CHN1: variants seen among roughly 807,000 people sequenced by gnomAD.
CHN1 encodes the protein N-chimaerin.
Under a neutral mutation model 59.5 loss-of-function variants are expected in CHN1, and 37 were observed. That is an observed-to-expected ratio of 0.62 (90% CI 0.48 to 0.82). CHN1 has a LOEUF of 0.82. Among genes scored for constraint, CHN1 ranks in the 40% least tolerant of loss-of-function variants. The probability of loss-of-function intolerance (pLI) is 0.00; values close to 1 mark genes in which losing one functional copy is unlikely to be tolerated. For missense variants in CHN1, 469 were observed against 571.0 expected (o/e 0.82, Z 1.82); for synonymous variants, 206 against 200.4 (o/e 1.03, Z -0.24).
chr2:174,956,508 C>T (rs1690207755), intron 1 of CHN1, among the ~76,000 whole-genome samples: 1 of 152,000 alleles, frequency 6.6e-6, no homozygotes, highest in Non-Finnish European at 1.5e-5. Context: ...TGGTGGCTCA[C>T]ACCTGTAATC....
At chr2:174,955,120 TA>T (rs1690150980) in intron 1 of CHN1, among the ~76,000 whole-genome samples, 1 of 148,534 alleles carries the variant, frequency 6.7e-6, no homozygotes, top group Non-Finnish European at 1.5e-5. Context: ...TATAGATCTA[TA>T]GATCTAATAT....
At chr2:174,978,706 A>C (rs1043363970) in intron 1 of CHN1, among the ~76,000 whole-genome samples, 3 of 152,224 alleles carry the variant, frequency 2.0e-5, no homozygotes, top group Admixed American at 2.0e-4. Flanking sequence ...TGCAATAAAG[A>C]TTCTGGATTT....
intron 3 of CHN1, among the ~76,000 whole-genome samples, chr2:174,923,027 G>C (rs1044907166): frequency 4.6e-5 from 7 of 152,140 alleles, no homozygotes; most frequent in African/African-American, 1.7e-4. Context: ...ACCTGAGGGG[G>C]CCAAGGAAAA....
intron 7 of CHN1, among the ~76,000 whole-genome samples, chr2:174,838,940 C>G (rs1686189651): frequency 6.6e-6 from 1 of 151,736 alleles, no homozygotes; most frequent in Non-Finnish European, 1.5e-5. Flanking sequence ...TAGCTTGAAC[C>G]CAGGAGGCGG....
chr2:174,948,050 A>G (rs62184796), intron 2 of CHN1, among the ~76,000 whole-genome samples: 4,092 of 152,310 alleles, frequency 0.027, 89 homozygotes, highest in Admixed American at 0.083. Context: ...AGAAGTGTCA[A>G]TGAGTATATA....
chr2:174,834,888 A>C (rs1686020504), intron 7 of CHN1, among the ~76,000 whole-genome samples: 1 of 152,218 alleles, frequency 6.6e-6, no homozygotes, highest in Non-Finnish European at 1.5e-5. Flanking sequence ...AACTATAAAC[A>C]CATTATGAAG....
At position 174,831,895 on chromosome 2, in the gene CHN1, T is replaced by G. The variant is rs13417771; in HGVS notation, c.628-7377A>C. On this transcript the variant is annotated intron_variant, in intron 7 of 12. Transcript: ENST00000409900. ...CTAAGGTTATATTATGTAGGTACAA[T>G]AGGAAAATAAATAAGTAAATGGTTG... Among the ~76,000 whole-genome samples, 360 of 152,218 alleles carry G rather than the reference T, an allele frequency of 2.4e-3. 5 individuals are homozygous for G. Among genetic ancestry groups the G allele is most frequent in the African/African-American group, 7.7e-3 (319 of 41,564 alleles).
At chr2:174,841,191 C>G (rs1346717604) in intron 7 of CHN1, among the ~76,000 whole-genome samples, 1 of 152,136 alleles carries the variant, frequency 6.6e-6, no homozygotes, top group Non-Finnish European at 1.5e-5. Flanking sequence ...AGGTAGTAAC[C>G]TTTCTGATAA....
intron 1 of CHN1, among the ~76,000 whole-genome samples, chr2:174,954,124 C>A (rs1690113285): frequency 6.6e-6 from 1 of 152,050 alleles, no homozygotes; most frequent in African/African-American, 2.4e-5. Context: ...AATAGAGAAT[C>A]CAGAAATAAA....
intron 3 of CHN1, among the ~76,000 whole-genome samples, chr2:174,938,146 C>T (rs1689552851): frequency 6.6e-6 from 1 of 152,160 alleles, no homozygotes; most frequent in African/African-American, 2.4e-5. Flanking sequence ...ACTACCACAC[C>T]TGGCTCACAG....
intron 6 of CHN1, among the ~76,000 whole-genome samples, chr2:174,861,082 T>G (rs1687054188): frequency 6.6e-6 from 1 of 152,122 alleles, no homozygotes; most frequent in Non-Finnish European, 1.5e-5. Flanking sequence ...AAATTCAGTG[T>G]TAAGTGGTTA....
intron 2 of CHN1, among the ~76,000 whole-genome samples, chr2:174,951,067 C>G (rs1273879801): frequency 6.6e-6 from 1 of 152,228 alleles, no homozygotes; most frequent in Non-Finnish European, 1.5e-5. Context: ...GCATGAGCCA[C>G]AGTGCCCGGC....
intron 6 of CHN1, among the ~76,000 whole-genome samples, chr2:174,855,842 T>A (rs890770469): frequency 6.6e-6 from 1 of 152,072 alleles, no homozygotes; most frequent in African/African-American, 2.4e-5. Flanking sequence ...AAACAAAAGC[T>A]CTGATAAATT....
chr2:174,945,944 A>AT (rs2105405659), intron 2 of CHN1, among the ~76,000 whole-genome samples: 2 of 148,560 alleles, frequency 1.3e-5, no homozygotes, highest in South Asian at 4.2e-4. Context: ...TATATATATA[A>AT]ATGTGTGTGT....
intron 7 of CHN1, among the ~76,000 whole-genome samples, chr2:174,833,788 T>A (rs1362630511): frequency 1.5e-5 from 2 of 129,760 alleles, no homozygotes; most frequent in East Asian, 4.7e-4. Context: ...GTCTAGAACA[T>A]ACACATCTTT....
intron 5 of CHN1, among the ~76,000 whole-genome samples, chr2:174,907,206 T>C (rs1408376669): frequency 1.3e-5 from 2 of 152,194 alleles, no homozygotes; most frequent in Non-Finnish European, 2.9e-5. Flanking sequence ...TCAAAGTGTG[T>C]TCCACTGAGA....
intron 7 of CHN1, chr2:174,846,437 A>G (rs142329215): frequency 2.0e-6 from 3 of 1,531,470 alleles, no homozygotes; most frequent in Admixed American, 2.2e-5. Context: ...AAAGACAGAA[A>G]CTATGAGAAA....
rs551428805 is a variant in CHN1 at position 174,927,338 on chromosome 2, A to G, written c.115-8773T>C. On this transcript the variant is annotated intron_variant, in intron 3 of 12. Coordinates refer to ENST00000409900, the MANE Select transcript of CHN1 (RefSeq NM_001822.7). Reference sequence around the variant, plus strand: ...CTCCCAAAGCGTTATGATTACAGGCATGAGCCACCATGCTGGGCCTATTTT... The same window carrying G: ...CTCCCAAAGCGTTATGATTACAGGCGTGAGCCACCATGCTGGGCCTATTTT... 4.6e-5 allele frequency among the ~76,000 whole-genome samples: 7 copies of G among 152,318 alleles called. No individual in the cohort carries two copies. The South Asian group carries it at 8.3e-4, about 18-fold the overall frequency.
chr2:174,803,552 A>C (rs1315555656), intron 11 of CHN1, among the ~76,000 whole-genome samples: 1 of 152,192 alleles, frequency 6.6e-6, no homozygotes, highest in East Asian at 1.9e-4. Context: ...CTTACTATAA[A>C]AACCACTAGT....
Sources: allele counts gnomAD v4.1 joint callset (sites outside exome capture counted in the v4.1 genomes callset), GRCh38; gene constraint gnomAD v4.1.1; transcripts MANE v1.5; gene names NCBI Gene and HGNC (gene_info 2026-07-23, HGNC 2026-07-21).